Variants in PPFIA2 observed in about 807,000 individuals in gnomAD.
PPFIA2 encodes liprin-alpha-2.
A neutral mutation model predicts 175.5 loss-of-function variants in PPFIA2; 46 were observed. The ratio of observed to expected loss-of-function variants is 0.26; its 90% CI spans 0.21 to 0.34. PPFIA2 has a LOEUF of 0.34. PPFIA2 is among the 10% of genes least tolerant of loss of function. PPFIA2 has a pLI of 1.00. For missense variants in PPFIA2, 1,179 were observed against 1,506.1 expected (o/e 0.78, Z 3.60); for synonymous variants, 568 against 511.4 (o/e 1.11, Z -1.49).
chr12:81,708,703 C>T (rs2077517097), intron 3 of PPFIA2, among the ~76,000 whole-genome samples: 1 of 152,274 alleles, frequency 6.6e-6, no homozygotes, highest in South Asian at 2.1e-4. Flanking sequence ...TGTTAAAATG[C>T]ATGAGATTAC....
At chr12:81,321,055 C>CAGAGAGAGAGAG (rs376416224) in intron 22 of PPFIA2, among the ~76,000 whole-genome samples, 15,664 of 148,488 alleles carry the variant, frequency 0.11, 1,049 homozygotes, top group East Asian at 0.25. Flanking sequence ...ATAAATAAAA[C>CAGAGAGAGAGAG]AGAGAGAGAG....
intron 6 of PPFIA2, among the ~76,000 whole-genome samples, chr12:81,445,223 G>A (rs9739019): frequency 0.076 from 4,770 of 62,772 alleles, 175 homozygotes; most frequent in East Asian, 0.2. Flanking sequence ...GGGGGAGGGG[G>A]GAGAGAGAGA....
chr12:81,331,895 G>T, intron 21 of PPFIA2, among the ~76,000 whole-genome samples: 1 of 152,092 alleles, frequency 6.6e-6, no homozygotes, highest in East Asian at 1.9e-4. Context: ...AAGTTGGTCA[G>T]ATGTGTTCTT....
chr12:81,304,757 T>C (rs751089832), intron 22 of PPFIA2, among the ~76,000 whole-genome samples: 2 of 151,932 alleles, frequency 1.3e-5, no homozygotes, highest in African/African-American at 2.4e-5. Context: ...GAAGATGAAA[T>C]TGGAGACGTA....
At position 81,753,896 on chromosome 12, in the gene PPFIA2, A is replaced by AT. The variant is rs556020804; in HGVS notation, c.249+76dup. On this transcript the variant is annotated intron_variant, in intron 3 of 32. Transcript: ENST00000549396. ...CACATATGTTAAGTGGAAAAGTAACATTAAGAATGGGAGTAAAGTGAATCT... is the reference window on the plus strand; with the variant it reads ...CACATATGTTAAGTGGAAAAGTAACATTTAAGAATGGGAGTAAAGTGAATCT... The AT allele has an allele frequency of 1.7e-4, 252 of 1,525,604 alleles. No homozygotes were observed. In the African/African-American group the frequency reaches 2.6e-3, roughly 16 times the overall value. The allele number at this position is 1,525,604 out of a possible 1,614,324, so 94.5% of individuals were successfully genotyped here.
intron 3 of PPFIA2, among the ~76,000 whole-genome samples, chr12:81,752,745 A>G (rs1420081876): frequency 6.6e-6 from 1 of 152,192 alleles, no homozygotes; most frequent in African/African-American, 2.4e-5. Context: ...ATATTTATAA[A>G]GATATCTTTG....
chr12:81,572,097 T>G (rs2072658562), intron 4 of PPFIA2, among the ~76,000 whole-genome samples: 1 of 152,094 alleles, frequency 6.6e-6, no homozygotes. Context: ...GCTACAGCCA[T>G]GCTGGTCTCC....
intron 21 of PPFIA2, among the ~76,000 whole-genome samples, chr12:81,334,486 C>CA (rs1316127617): frequency 1.1e-5 from 1 of 91,606 alleles, no homozygotes; most frequent in Non-Finnish European, 2.4e-5. Flanking sequence ...TCTCTCCCTC[C>CA]ACCAAAAAAA....
At chr12:81,370,717 A>G (rs1295680133) in intron 11 of PPFIA2, among the ~76,000 whole-genome samples, 1 of 151,910 alleles carries the variant, frequency 6.6e-6, no homozygotes, top group Non-Finnish European at 1.5e-5. Flanking sequence ...ACAGGTGCAG[A>G]GTGTTCAACA....
At chr12:81,673,006 G>T (rs1356408581) in intron 4 of PPFIA2, among the ~76,000 whole-genome samples, 1 of 151,954 alleles carries the variant, frequency 6.6e-6, no homozygotes, top group Non-Finnish European at 1.5e-5. Context: ...ACCTTTCATT[G>T]TGTATATACA....
At chr12:81,303,192 G>T (rs1021147484) in intron 22 of PPFIA2, among the ~76,000 whole-genome samples, 6 of 152,112 alleles carry the variant, frequency 3.9e-5, no homozygotes, top group African/African-American at 1.4e-4. Flanking sequence ...TCCAGAAAAA[G>T]AATGTGATCA....
intron 4 of PPFIA2, among the ~76,000 whole-genome samples, chr12:81,584,424 T>G (rs541548578): frequency 4.0e-5 from 6 of 151,878 alleles, no homozygotes; most frequent in Non-Finnish European, 7.4e-5. Flanking sequence ...AGTCCTATTA[T>G]AACCTCAGAG....
chr12:81,500,505 G>A (rs2060481308), intron 4 of PPFIA2, among the ~76,000 whole-genome samples: 1 of 152,130 alleles, frequency 6.6e-6, no homozygotes, highest in Non-Finnish European at 1.5e-5. Context: ...ACAGATCCCA[G>A]GCATAACAAC....
At chr12:81,734,552 T>C (rs2081330900) in intron 3 of PPFIA2, among the ~76,000 whole-genome samples, 1 of 151,774 alleles carries the variant, frequency 6.6e-6, no homozygotes, top group African/African-American at 2.4e-5. Flanking sequence ...TTGTTAAAAG[T>C]ATAAAATCAA....
chr12:81,634,801 CTTGT>C (rs2063797995), intron 4 of PPFIA2, among the ~76,000 whole-genome samples: 1 of 151,894 alleles, frequency 6.6e-6, no homozygotes, highest in Admixed American at 6.6e-5. Context: ...TTCACCCTTG[CTTGT>C]TTTTTTCTTC....
At chr12:81,744,832 G>T (rs930443382) in intron 3 of PPFIA2, among the ~76,000 whole-genome samples, 29 of 152,136 alleles carry the variant, frequency 1.9e-4, no homozygotes, top group African/African-American at 6.0e-4. Flanking sequence ...GAGGGCTCAG[G>T]GTAAAAACAA....
chr12:81,722,560 C>A (rs918182809), intron 3 of PPFIA2, among the ~76,000 whole-genome samples: 1 of 150,866 alleles, frequency 6.6e-6, no homozygotes, highest in African/African-American at 2.4e-5. Context: ...CATCTTAGAA[C>A]CCCAGGAGAG....
intron 15 of PPFIA2, among the ~76,000 whole-genome samples, chr12:81,359,512 G>A (rs2061331317): frequency 6.6e-6 from 1 of 151,466 alleles, no homozygotes; most frequent in South Asian, 2.1e-4. Flanking sequence ...CTTGGGCAGA[G>A]GCTCTAAGTT....
chr12:81,482,439 A>G (rs1281718747), intron 4 of PPFIA2, among the ~76,000 whole-genome samples: 1 of 152,182 alleles, frequency 6.6e-6, no homozygotes, highest in Non-Finnish European at 1.5e-5. Context: ...ACATGCACAC[A>G]TATGTTTACT....
Sources: allele counts gnomAD v4.1 joint callset (sites outside exome capture counted in the v4.1 genomes callset), GRCh38; gene constraint gnomAD v4.1.1; transcripts MANE v1.5; gene names NCBI Gene and HGNC (gene_info 2026-07-23, HGNC 2026-07-21).